Variants in VPS13D observed in about 807,000 individuals in gnomAD.
VPS13D encodes intermembrane lipid transfer protein VPS13D.
VPS13D carries 187 observed loss-of-function variants against 461.9 expected under a neutral mutation model. The ratio of observed to expected loss-of-function variants is 0.40; its 90% CI spans 0.36 to 0.46. The LOEUF is 0.46. Ranked by LOEUF, VPS13D falls within the 20% of genes least tolerant of loss-of-function variation. The pLI is 0.60. For synonymous variants in VPS13D, 1,951 were observed against 1,986.3 expected (o/e 0.98, Z 0.47); for missense variants, 4,711 against 5,364.9 (o/e 0.88, Z 3.81).
Position 12,275,831 on chromosome 1 carries a change from C to T in VPS13D, c.2243C>T (p.Ser748Phe), listed in dbSNP as rs1283221602. Residue 748 changes from serine (S) to phenylalanine (F), a missense_variant, in exon 19 of 70, where the codon TCC (serine) becomes TTC (phenylalanine). Around this residue, in one of 3 missense-constraint regions of VPS13D, gnomAD observed 4,411 missense variants for 4,937.8 expected, o/e 0.89. Transcript: ENST00000620676. ...TTCTTTTTTTTATCTTCAGATAACT[C>T]CAGGAGGAAAAGTAGGGATGGGTCA... ...RMLLTNTQDN[S>F]RRKSRDGSAS... 1 of 1,579,116 alleles carries T rather than the reference C, an allele frequency of 6.3e-7. No homozygotes were observed. The highest frequency in any genetic ancestry group is 2.3e-5 in the East Asian group (1 of 44,428).
chr1:12,373,062 G>A (rs1266367803), intron 54 of VPS13D, among the ~76,000 whole-genome samples: 1 of 134,208 alleles, frequency 7.5e-6, no homozygotes, highest in African/African-American at 2.8e-5. Flanking sequence ...GCAGAGTAAA[G>A]CTAATTTTTG....
At chr1:12,373,140 G>T (rs1644148296) in intron 54 of VPS13D, among the ~76,000 whole-genome samples, 1 of 125,354 alleles carries the variant, frequency 8.0e-6, no homozygotes. Flanking sequence ...TTGGGGGTTG[G>T]GGCAGAATCT....
At chr1:12,335,613 C>A in intron 38 of VPS13D, 92 bp from the exon 39 acceptor site, 1 of 1,487,644 alleles carries the variant, frequency 6.7e-7, no homozygotes, top group South Asian at 1.4e-5. Context: ...ATGAGACACT[C>A]AATAAAAGCT....
intron 25 of VPS13D, among the ~76,000 whole-genome samples, chr1:12,303,866 A>T (rs1264945017): frequency 2.0e-5 from 3 of 152,258 alleles, no homozygotes; most frequent in Non-Finnish European, 4.4e-5. Flanking sequence ...TTAGCAGTTA[A>T]CCGAATGAAG....
intron 68 of VPS13D, chr1:12,500,307 C>T: frequency 1.2e-6 from 1 of 868,314 alleles, no homozygotes; most frequent in Non-Finnish European, 1.4e-6. Flanking sequence ...GTCATTGCTT[C>T]CCATCTTTCT....
At chr1:12,408,362 G>A (rs952334802) in intron 63 of VPS13D, among the ~76,000 whole-genome samples, 1 of 152,024 alleles carries the variant, frequency 6.6e-6, no homozygotes, top group Non-Finnish European at 1.5e-5. Flanking sequence ...TTAACTTGAT[G>A]TTGGACTTTT....
intron 38 of VPS13D, among the ~76,000 whole-genome samples, chr1:12,334,866 C>T (rs1643411508): frequency 6.6e-6 from 1 of 152,174 alleles, no homozygotes; most frequent in Non-Finnish European, 1.5e-5. Flanking sequence ...GAATACTATA[C>T]TGAAACCCAG....
At chr1:12,329,980 C>T in intron 37 of VPS13D, 62 bp downstream of exon 37, 3 of 945,634 alleles carry the variant, frequency 3.2e-6, no homozygotes, top group Admixed American at 2.1e-5. Context: ...TTGCCTGGAC[C>T]TATTGCTACG....
chr1:12,306,661 T>A (rs1332859382), intron 26 of VPS13D, among the ~76,000 whole-genome samples: 1 of 152,180 alleles, frequency 6.6e-6, no homozygotes, highest in Non-Finnish European at 1.5e-5. Context: ...TCACACTGTT[T>A]CCATGTAATC....
In VPS13D at chr1:12,277,312, G is replaced by T; in HGVS notation, c.3724G>T (p.Val1242Leu). The change falls in exon 19 of 70, where the codon GTA becomes TTA. Residue 1242 changes from valine (V) to leucine (L), a missense_variant. Val to Leu is a conservative substitution (Grantham distance 32). This residue lies in a region of VPS13D where 4,411 missense variants were observed against 4,937.8 expected (regional missense o/e 0.89). Transcript: ENST00000620676. ...NQYVVSIGNSVGYENIISDIG... is the reference protein window; with the variant it reads ...NQYVVSIGNSLGYENIISDIG... ...GTATGTTGTCAGCATTGGGAATTCTGTAGGCTATGAAAATATCATCAGTGA... is the reference window on the plus strand; with the variant it reads ...GTATGTTGTCAGCATTGGGAATTCTTTAGGCTATGAAAATATCATCAGTGA... 1.9e-6 allele frequency: 3 copies of T among 1,614,216 alleles called. No individual in the cohort carries two copies. The highest frequency in any genetic ancestry group is 2.5e-6 in the Non-Finnish European group (3 of 1,180,032).
At chr1:12,288,361 C>A in intron 22 of VPS13D, 48 bp downstream of exon 22, 1 of 1,494,206 alleles carries the variant, frequency 6.7e-7, no homozygotes, top group Non-Finnish European at 9.3e-7. Flanking sequence ...ATCTGGTCAG[C>A]ATTTGAACAT....
chr1:12,485,556 C>CTT (rs1645786532), intron 67 of VPS13D, among the ~76,000 whole-genome samples: 1 of 152,368 alleles, frequency 6.6e-6, no homozygotes, highest in Non-Finnish European at 1.5e-5. Flanking sequence ...TACTACAGAT[C>CTT]TTTCTGCTTT....
rs573105248 is a variant in VPS13D, at chr1:12,497,130, G to A, written c.12663-370G>A. ...AATAACCGCAGGAACGAGAGCCGCC[G>A]CTGGTGGGCAGCTCACCATCCGCCA... is the stretch of plus-strand genomic sequence containing the variant. On this transcript the variant is annotated intron_variant, in intron 67 of 69. Coordinates refer to ENST00000620676, the MANE Select transcript of VPS13D (RefSeq NM_015378.4). 4.0e-4 allele frequency: 64 copies of A among 158,902 alleles called. 1 individual carries two copies. The highest frequency in any genetic ancestry group is 1.4e-4 in the Non-Finnish European group (10 of 72,386). 9.8% of individuals were successfully genotyped at this position (158,902 alleles called of 1,614,324 possible).
Position 12,283,302 on chromosome 1 carries a change from A to C in VPS13D, c.5200A>C (p.Asn1734His). The change falls in exon 21 of 70, where the codon AAT becomes CAT. Residue 1734 changes from asparagine to histidine, a missense_variant. Coordinates refer to ENST00000620676, the MANE Select transcript of VPS13D (RefSeq NM_015378.4). Reference protein sequence around the residue: ...SLPSHMEEAPNVFQLYQRPTS... With the variant: ...SLPSHMEEAPHVFQLYQRPTS... ...CCCTTCCCACATGGAAGAAGCTCCT[A>C]ATGTCTTCCAGTTGTATCAAAGGCC... The C allele has an allele frequency of 6.2e-7, 1 of 1,614,080 alleles. No homozygotes were observed. Among genetic ancestry groups the C allele is most frequent in the Non-Finnish European group, 8.5e-7 (1 of 1,180,012 alleles).
At chr1:12,448,074 A>G (rs1342690285) in intron 65 of VPS13D, among the ~76,000 whole-genome samples, 1 of 152,146 alleles carries the variant, frequency 6.6e-6, no homozygotes, top group African/African-American at 2.4e-5. Context: ...TTCGTAACCA[A>G]GGTCGCCGTG....
chr1:12,334,224 T>C (rs964343530), intron 38 of VPS13D, among the ~76,000 whole-genome samples: 1 of 152,230 alleles, frequency 6.6e-6, no homozygotes, highest in Non-Finnish European at 1.5e-5. Context: ...GTTTATATGA[T>C]CAGATTTCAT....
intron 37 of VPS13D, among the ~76,000 whole-genome samples, chr1:12,331,474 G>A (rs764317972): frequency 8.6e-5 from 13 of 151,862 alleles, no homozygotes; most frequent in African/African-American, 4.8e-5. Flanking sequence ...TTGGGAGGCC[G>A]AGGTGGGCGG....
intron 7 of VPS13D, among the ~76,000 whole-genome samples, chr1:12,255,541 G>C (rs1466714566): frequency 6.6e-6 from 1 of 152,052 alleles, no homozygotes; most frequent in East Asian, 1.9e-4. Flanking sequence ...CTAGGAAAGA[G>C]ATATTTGACC....
At position 12,509,259 on chromosome 1, in the gene VPS13D, A is replaced by T. The variant is rs961634124; in HGVS notation, c.*235A>T. ...AATTTTTAAAGGTATTGGTTAAATA[A>T]CGTTTAAAAACATGTACTGAGATGA... On this transcript the variant is annotated 3_prime_UTR_variant, in exon 70 of 70. Transcript: ENST00000620676. 38 of 504,280 alleles carry T rather than the reference A, an allele frequency of 7.5e-5. No individual in the cohort carries two copies. The highest frequency in any genetic ancestry group is 1.3e-4 in the Non-Finnish European group (37 of 292,928). 31.2% of individuals were successfully genotyped at this position (504,280 alleles called of 1,614,324 possible).
Sources: allele counts gnomAD v4.1 joint callset (sites outside exome capture counted in the v4.1 genomes callset), GRCh38; gene constraint gnomAD v4.1.1; regional missense constraint gnomAD v4.1.1; transcripts MANE v1.5; gene names NCBI Gene and HGNC (gene_info 2026-07-23, HGNC 2026-07-21).